UST: variants seen among roughly 807,000 people sequenced by gnomAD.
UST encodes chondroitin sulfate 2-O-sulfotransferase.
Under a neutral mutation model 45.6 loss-of-function variants are expected in UST, and 21 were observed. The ratio of observed to expected loss-of-function variants is 0.46; its 90% CI spans 0.33 to 0.66. The LOEUF (loss-of-function observed/expected upper bound fraction) is 0.66. Among genes scored for constraint, UST ranks in the 30% least tolerant of loss-of-function variants. The pLI is 0.02. For missense variants in UST, 463 were observed against 512.4 expected (o/e 0.90, Z 0.93); for synonymous variants, 215 against 200.6 (o/e 1.07, Z -0.61).
At chr6:148,930,950 A>G (rs538348266) in intron 2 of UST, among the ~76,000 whole-genome samples, 1 of 152,386 alleles carries the variant, frequency 6.6e-6, no homozygotes, top group Non-Finnish European at 1.5e-5. Flanking sequence ...TTCACAGTGA[A>G]CAGTATATCC....
chr6:148,866,893 C>G (rs1225700903), intron 1 of UST, among the ~76,000 whole-genome samples: 2 of 5,260 alleles, frequency 3.8e-4, no homozygotes, highest in African/African-American at 3.7e-3. Context: ...CTCCACAAGG[C>G]ATTTTTTTTT....
At chr6:148,778,700 A>G (rs1776580518) in intron 1 of UST, among the ~76,000 whole-genome samples, 1 of 152,188 alleles carries the variant, frequency 6.6e-6, no homozygotes, top group Non-Finnish European at 1.5e-5. Flanking sequence ...TAAGGCTCGC[A>G]GGGTCTGTCC....
intron 5 of UST, among the ~76,000 whole-genome samples, chr6:148,989,246 A>G (rs1218243613): frequency 7.2e-6 from 1 of 139,828 alleles, no homozygotes; most frequent in Non-Finnish European, 1.5e-5. Context: ...ACCTTGATTA[A>G]AAAGTTTAAA....
intron 2 of UST, among the ~76,000 whole-genome samples, chr6:148,890,579 A>G (rs1445898614): frequency 6.6e-6 from 1 of 152,216 alleles, no homozygotes; most frequent in African/African-American, 2.4e-5. Context: ...ATTTTATTAA[A>G]TGTTCAATTT....
chr6:148,916,322 A>ATG (rs1779589581), intron 2 of UST, among the ~76,000 whole-genome samples: 3 of 151,980 alleles, frequency 2.0e-5, no homozygotes, highest in Non-Finnish European at 2.9e-5. Context: ...GCACTCTGGC[A>ATG]CTATGCTGTA....
chr6:149,072,446 G>A (rs545659587), intron 7 of UST, among the ~76,000 whole-genome samples: 9 of 152,258 alleles, frequency 5.9e-5, no homozygotes, highest in South Asian at 2.1e-4. Flanking sequence ...CTGAGGTCGG[G>A]AATTCGAGAC....
chr6:148,802,662 A>G (rs1777075407), intron 1 of UST, among the ~76,000 whole-genome samples: 1 of 152,232 alleles, frequency 6.6e-6, no homozygotes, highest in South Asian at 2.1e-4. Flanking sequence ...AGTGACGAGA[A>G]TTGAGGGCCA....
chr6:148,825,793 G>C (rs373482059), intron 1 of UST, among the ~76,000 whole-genome samples: 37 of 152,316 alleles, frequency 2.4e-4, no homozygotes, highest in East Asian at 2.1e-3. Context: ...TTCCCATGGT[G>C]GGGGGAGGAG....
intron 2 of UST, among the ~76,000 whole-genome samples, chr6:148,916,023 C>T (rs1779582631): frequency 6.9e-6 from 1 of 144,342 alleles, no homozygotes; most frequent in Admixed American, 6.8e-5. Flanking sequence ...CTTCTCTAAA[C>T]ATTTAAGCTG....
chr6:149,008,392 G>GGTGT (rs1438826978), intron 5 of UST, among the ~76,000 whole-genome samples: 3 of 152,148 alleles, frequency 2.0e-5, no homozygotes, highest in African/African-American at 7.2e-5. Flanking sequence ...GTATGTGCTT[G>GGTGT]AGGTGGGTGG....
intron 1 of UST, among the ~76,000 whole-genome samples, chr6:148,777,991 T>C (rs1776567693): frequency 6.6e-6 from 1 of 152,190 alleles, no homozygotes; most frequent in Admixed American, 6.5e-5. Flanking sequence ...GAGTAGGCTG[T>C]ACCATCTAGG....
intron 2 of UST, among the ~76,000 whole-genome samples, chr6:148,921,289 T>C (rs1259108291): frequency 6.6e-6 from 1 of 151,920 alleles, no homozygotes; most frequent in African/African-American, 2.4e-5. Context: ...GATTAAGGAG[T>C]TGAGAATAAT....
In UST at chr6:148,935,293, G is replaced by A. The variant is rs529880525; in HGVS notation, c.292-5986G>A. Among the ~76,000 whole-genome samples the A allele has an allele frequency of 8.5e-5, 13 of 152,228 alleles. No homozygotes were observed. The South Asian group carries it at 2.3e-3, about 27-fold the overall frequency. On this transcript the variant is annotated intron_variant, in intron 2 of 7. Transcript: ENST00000367463. ...GAGGCCCCTTCACTTTTACAAATTG[G>A]CCATAAAATAGAAATCACAGACATA...
intron 1 of UST, among the ~76,000 whole-genome samples, chr6:148,832,135 C>T (rs1777700131): frequency 6.6e-6 from 1 of 152,210 alleles, no homozygotes; most frequent in Non-Finnish European, 1.5e-5. Context: ...GGATTGCACG[C>T]ATGCACCACC....
At chr6:148,871,842 C>T (rs900272623) in intron 1 of UST, among the ~76,000 whole-genome samples, 1 of 152,172 alleles carries the variant, frequency 6.6e-6, no homozygotes, top group Admixed American at 6.5e-5. Flanking sequence ...ATTGTGACCA[C>T]TTAGGGTCAA....
At chr6:148,788,032 A>C (rs945594151) in intron 1 of UST, among the ~76,000 whole-genome samples, 1 of 152,238 alleles carries the variant, frequency 6.6e-6, no homozygotes, top group Non-Finnish European at 1.5e-5. Flanking sequence ...GAAGAAAAAG[A>C]GGTTTAATGG....
chr6:148,897,752 A>G (rs1053849883), intron 2 of UST, among the ~76,000 whole-genome samples: 6 of 152,062 alleles, frequency 3.9e-5, no homozygotes, highest in East Asian at 1.9e-4. Context: ...CGGCCTCCCA[A>G]AGTGTTGGGA....
At chr6:148,997,250 T>C (rs1431717100) in intron 5 of UST, among the ~76,000 whole-genome samples, 2 of 152,236 alleles carry the variant, frequency 1.3e-5, no homozygotes, top group Non-Finnish European at 2.9e-5. Context: ...GGGCTTGATT[T>C]CGTAGCTTTT....
At chr6:148,893,907 C>T (rs1013699596) in intron 2 of UST, among the ~76,000 whole-genome samples, 21 of 152,098 alleles carry the variant, frequency 1.4e-4, no homozygotes, top group Admixed American at 1.3e-4. Flanking sequence ...AATCCGAGCA[C>T]TTTTGGAGGC....
Sources: allele counts gnomAD v4.1 joint callset (sites outside exome capture counted in the v4.1 genomes callset), GRCh38; gene constraint gnomAD v4.1.1; transcripts MANE v1.5; gene names NCBI Gene and HGNC (gene_info 2026-07-23, HGNC 2026-07-21).